KPNA2: variants seen among roughly 807,000 people sequenced by gnomAD.
KPNA2 encodes the protein importin subunit alpha-1.
In KPNA2, 20 loss-of-function variants were observed where a neutral mutation model predicts 53.7. That is an observed-to-expected ratio of 0.37 (90% CI 0.26 to 0.54). KPNA2 has a LOEUF of 0.54. Ranked by LOEUF, KPNA2 falls within the 20% of genes least tolerant of loss-of-function variation. The pLI is 0.83. For missense variants in KPNA2, 515 were observed against 640.3 expected, an observed-to-expected ratio of 0.80 and a Z score of 2.11; for synonymous variants, 238 against 227.5, an observed-to-expected ratio of 1.05 and a Z score of -0.42.
intron 3 of KPNA2, 114 bp from the exon 4 acceptor site, chr17:68,040,564 T>A (rs1555704398): frequency 1.5e-6 from 1 of 671,568 alleles, no homozygotes; most frequent in African/African-American, 1.8e-5. Flanking sequence ...GCTAAATATT[T>A]AGTAGCTGGC....
intron 3 of KPNA2, among the ~76,000 whole-genome samples, chr17:68,038,861 T>C (rs1555704119): frequency 6.6e-6 from 1 of 152,068 alleles, no homozygotes; most frequent in African/African-American, 2.4e-5. Context: ...CTATAAAAAG[T>C]AAAGTTAGCT....
chr17:68,037,221 G>C lies in KPNA2; in HGVS notation c.75+14G>C. The C allele has an allele frequency of 1.9e-6, 3 of 1,604,470 alleles. No individual in the cohort carries two copies. Among genetic ancestry groups the C allele is most frequent in the Non-Finnish European group, 2.6e-6 (3 of 1,174,696 alleles). On this transcript the variant is annotated intron_variant, in intron 2 of 10. Coordinates refer to ENST00000330459, the MANE Select transcript of KPNA2 (RefSeq NM_002266.4). ...AAAGACAGTACAGTGAGTACCTTCT[G>C]TTGCTTTCCTGTGGTGGTATTTAAA...
At chr17:68,039,256 G>T (rs7211215) in intron 3 of KPNA2, among the ~76,000 whole-genome samples, 5,331 of 151,798 alleles carry the variant, frequency 0.035, 128 homozygotes, top group South Asian at 0.11. Flanking sequence ...AAGTAGCTGG[G>T]ATCACAGGGG....
intron 8 of KPNA2, 123 bp from the exon 9 acceptor site, chr17:68,044,198 C>A: frequency 2.4e-6 from 3 of 1,247,568 alleles, no homozygotes; most frequent in Non-Finnish European, 3.4e-6. Flanking sequence ...TACCCAGTAA[C>A]CCCTTTTACT....
At position 68,042,177 on chromosome 17, in the gene KPNA2, A is replaced by T. The variant is rs2071268220; in HGVS notation, c.395A>T (p.Asp132Val). 1.2e-6 allele frequency: 2 copies of T among 1,613,962 alleles called. No homozygotes were observed. The highest frequency in any genetic ancestry group is 1.7e-6 in the Non-Finnish European group (2 of 1,179,874). The change falls in exon 5 of 11, where the codon GAT becomes GTT. Residue 132 changes from aspartate to valine, a missense_variant. By Grantham distance (152) the Asp-to-Val change is radical. Transcript: ENST00000330459. ...TTTGTGTCCTTCTTGGGCAGAACTGATTGTAGTCCCATTCAGTTTGAATCT... is the reference window on the plus strand; with the variant it reads ...TTTGTGTCCTTCTTGGGCAGAACTGTTTGTAGTCCCATTCAGTTTGAATCT... ...PKFVSFLGRT[D>V]CSPIQFESAW...
chr17:68,044,421 T>C lies in KPNA2; in HGVS notation c.1265T>C (p.Ile422Thr), dbSNP rs1555705148. Residue 422 changes from isoleucine (I) to threonine (T), a missense_variant, in exon 9 of 11, where the codon ATA becomes ACA. Transcript: ENST00000330459. Reference protein sequence around the residue: ...QIVYLVHCGIIEPLMNLLTAK... With the variant: ...QIVYLVHCGITEPLMNLLTAK... The stretch of plus-strand genomic sequence containing the variant: ...GTGTACCTTGTTCACTGTGGCATAA[T>C]AGAACCGTTGATGAACCTCTTAACT... 1 of 1,614,082 alleles carries C rather than the reference T, an allele frequency of 6.2e-7. No homozygotes were observed. Among genetic ancestry groups the C allele is most frequent in the East Asian group, 2.2e-5 (1 of 44,888 alleles).
At chr17:68,040,796 C>G in intron 4 of KPNA2, 30 bp downstream of exon 4, 1 of 1,494,586 alleles carries the variant, frequency 6.7e-7, no homozygotes, top group Non-Finnish European at 9.2e-7. Context: ...GCATGGGTAG[C>G]CTAAGAAATT....
rs1162253086 is a variant in KPNA2, at chr17:68,042,372, C to CT, written c.571+23dup. The CT allele has an allele frequency of 6.2e-7, 1 of 1,611,068 alleles. No individual in the cohort carries two copies. The highest frequency in any genetic ancestry group is 8.5e-7 in the Non-Finnish European group (1 of 1,177,838). On this transcript the variant is annotated intron_variant, in intron 5 of 10. Transcript: ENST00000330459. Reference sequence around the variant, plus strand: ...ATTGCAGGTACTTGGACTTGAAGTTCTTTTGACTGAATGTATCTAATCGTA... The same window carrying CT: ...ATTGCAGGTACTTGGACTTGAAGTTCTTTTTGACTGAATGTATCTAATCGTA...
In KPNA2 at chr17:68,043,855, C is replaced by T. The variant is rs1555705002; in HGVS notation, c.948C>T (p.Ala316=). The part of the protein sequence containing the change: ...ELPIVTPALR[A]IGNIVTGTDE... ...TTTTTCAGACTCCTGCCCTAAGAGC[C>T]ATAGGGAATATTGTCACTGGTACAG... Residue 316 remains alanine (A), a synonymous_variant, in exon 8 of 11, where the codon GCC becomes GCT. Coordinates refer to ENST00000330459, the MANE Select transcript of KPNA2 (RefSeq NM_002266.4). 1.2e-6 allele frequency: 2 copies of T among 1,608,904 alleles called. No homozygotes were observed. Among genetic ancestry groups the T allele is most frequent in the South Asian group, 1.1e-5 (1 of 90,952 alleles).
rs1555704895 is a variant in KPNA2, at chr17:68,043,216, T to A, written c.783T>A (p.His261Gln). ...QILPTLVRLL[H>Q]HDDPEVLADT... ...TTCCTACCTTAGTTCGGCTCCTGCA[T>A]CATGATGATCCAGAAGTATTAGCAG... is the stretch of plus-strand genomic sequence containing the variant. The change falls in exon 7 of 11, where the codon CAT (histidine) becomes CAA (glutamine). Residue 261 changes from histidine to glutamine, a missense_variant. Coordinates refer to ENST00000330459, the MANE Select transcript of KPNA2 (RefSeq NM_002266.4). 1 of 1,614,196 alleles carries A rather than the reference T, an allele frequency of 6.2e-7. No homozygotes were observed. Among genetic ancestry groups the A allele is most frequent in the Admixed American group, 1.7e-5 (1 of 60,014 alleles).
intron 1 of KPNA2, chr17:68,036,185 G>C (rs1479335078): frequency 6.6e-6 from 1 of 152,320 alleles, no homozygotes; most frequent in East Asian, 1.9e-4. Context: ...CGTGGGGGCA[G>C]GGGCTGGGGG....
In KPNA2 at chr17:68,043,113, G is replaced by A. The variant is rs1555704867; in HGVS notation, c.680G>A (p.Arg227His). 8.7e-6 allele frequency: 14 copies of A among 1,613,694 alleles called. No homozygotes were observed. The highest frequency in any genetic ancestry group is 1.7e-5 in the Admixed American group (1 of 59,946). Residue 227 changes from arginine to histidine, a missense_variant, in exon 7 of 11, where the codon CGT becomes CAT. Physicochemically the swap from Arg to His is conservative, Grantham distance 29 (BLOSUM62 0). Coordinates refer to ENST00000330459, the MANE Select transcript of KPNA2 (RefSeq NM_002266.4). Reference protein sequence around the residue: ...DMSSLACGYLRNLTWTLSNLC... With the variant: ...DMSSLACGYLHNLTWTLSNLC... ...TTTTTCCCCCAGTGTGGCTACTTAC[G>A]TAATCTTACCTGGACACTTTCTAAT...
chr17:68,036,275 G>A (rs2071188885), intron 1 of KPNA2: 1 of 152,266 alleles, frequency 6.6e-6, no homozygotes. Context: ...CGTAATGAAA[G>A]CAAAGATAGC....
In KPNA2 at chr17:68,043,296, T is replaced by C. The variant is rs1218214938; in HGVS notation, c.863T>C (p.Met288Thr). The part of the protein sequence containing the change: ...LTDGPNERIG[M>T]VVKTGVVPQL... ...GATGGTCCAAATGAACGAATTGGCA[T>C]GGTGGTGAAAACAGGAGTTGTGCCC... The change falls in exon 7 of 11, where the codon ATG becomes ACG. Residue 288 changes from methionine to threonine, a missense_variant. By Grantham distance (81) the Met-to-Thr change is moderately conservative. Coordinates refer to ENST00000330459, the MANE Select transcript of KPNA2 (RefSeq NM_002266.4). 1.2e-6 allele frequency: 2 copies of C among 1,614,068 alleles called. No homozygotes were observed. The highest frequency in any genetic ancestry group is 1.7e-6 in the Non-Finnish European group (2 of 1,180,016).
At chr17:68,040,290 G>A (rs1441908516) in intron 3 of KPNA2, among the ~76,000 whole-genome samples, 1 of 143,244 alleles carries the variant, frequency 7.0e-6, no homozygotes, top group Non-Finnish European at 1.5e-5. Flanking sequence ...TTTGTTGGGA[G>A]GTCTCACTGT....
chr17:68,038,854 T>C (rs1301387703), intron 3 of KPNA2, among the ~76,000 whole-genome samples: 1 of 152,078 alleles, frequency 6.6e-6, no homozygotes, highest in Non-Finnish European at 1.5e-5. Context: ...CTCGTCTCTA[T>C]AAAAAGTAAA....
At chr17:68,040,060 T>TTGAG (rs1349245743) in intron 3 of KPNA2, among the ~76,000 whole-genome samples, 1 of 151,358 alleles carries the variant, frequency 6.6e-6, no homozygotes, top group Non-Finnish European at 1.5e-5. Context: ...AGCCTGGGGA[T>TTGAG]TGAGTGAAAC....
chr17:68,043,771 T>C lies in KPNA2; in HGVS notation c.931-67T>C, dbSNP rs150373418. On this transcript the variant is annotated intron_variant, in intron 7 of 10. Transcript: ENST00000330459. ...ATGATGGGCCTCTTGTTAAAACTTT[T>C]AGGGTATAGAATTTCTAAAGTGCTG... 4.6e-3 allele frequency: 4,445 copies of C among 975,890 alleles called. 25 individuals carry two copies. Among genetic ancestry groups the C allele is most frequent in the Non-Finnish European group, 5.9e-3 (3,594 of 613,346 alleles). The allele number at this position is 975,890 out of a possible 1,614,324, so 60.5% of individuals were successfully genotyped here.
chr17:68,042,955 C>T lies in KPNA2; in HGVS notation c.622C>T (p.Pro208Ser), dbSNP rs1555704815. Reference sequence around the variant, plus strand: ...GGTTATTAAGTACGGTGCAGTTGACCCACTGTTGGCTCTCCTTGCAGTTCC... The same window carrying T: ...GGTTATTAAGTACGGTGCAGTTGACTCACTGTTGGCTCTCCTTGCAGTTCC... Reference protein sequence around the residue: ...DLVIKYGAVDPLLALLAVPDM... With the variant: ...DLVIKYGAVDSLLALLAVPDM... Residue 208 changes from proline to serine, a missense_variant, in exon 6 of 11, where the codon CCA (proline) becomes TCA (serine). Pro to Ser is a moderately conservative substitution (Grantham distance 74, BLOSUM62 -1). Transcript: ENST00000330459. 6.2e-7 allele frequency: 1 copy of T among 1,613,694 alleles called. No individual in the cohort carries two copies. The highest frequency in any genetic ancestry group is 2.2e-5 in the East Asian group (1 of 44,874).
Sources: gnomAD v4.1 joint callset for allele counts (sites outside exome capture counted in the v4.1 genomes callset) on GRCh38, gnomAD v4.1.1 for gene constraint, MANE v1.5 for transcripts, NCBI Gene and HGNC (gene_info 2026-07-23, HGNC 2026-07-21) for gene names.